Variants in ATG4A observed in about 807,000 individuals in gnomAD.
The protein encoded by ATG4A is autophagy related 4A cysteine peptidase, also known as cysteine protease ATG4A.
Under a neutral mutation model 38.4 loss-of-function variants are expected in ATG4A, and 22 were observed. The ratio of observed to expected loss-of-function variants is 0.57; its 90% CI spans 0.41 to 0.82. ATG4A has a LOEUF of 0.82. Ranked by LOEUF, ATG4A falls within the 40% of genes least tolerant of loss-of-function variation. The probability of loss-of-function intolerance (pLI) is 0.00; values close to 1 mark genes in which losing one functional copy is unlikely to be tolerated. For missense variants in ATG4A, 220 were observed against 290.0 expected (o/e 0.76, Z 1.75); for synonymous variants, 86 against 100.7 (o/e 0.85, Z 0.88).
chrX:108,150,392 A>G (rs1165756222), intron 10 of ATG4A, 95 bp downstream of exon 10: 1 of 1,081,828 alleles, frequency 9.2e-7, no homozygotes, highest in Non-Finnish European at 1.3e-6. Flanking sequence ...AGGCAAGAGT[A>G]TGTTTGCTCA....
At chrX:108,134,263 A>T in intron 5 of ATG4A, 76 bp from the exon 6 acceptor site, 1 of 1,149,884 alleles carries the variant, frequency 8.7e-7, no homozygotes, top group Non-Finnish European at 1.2e-6. Context: ...TTAATTATTT[A>T]TGCAAAAAAT....
rs1192099164 is a variant in ATG4A, at chrX:108,147,667, A to C, written c.815-2485A>C. On this transcript the variant is annotated intron_variant, in intron 9 of 12. Coordinates refer to ENST00000372232, the MANE Select transcript of ATG4A (RefSeq NM_052936.5). ...TTTCTTTCATGACTTTGTCCACTGA[A>C]CTTAGGAGCAACCAACTAGCTTCAT... 2.7e-5 allele frequency among the ~76,000 whole-genome samples: 3 copies of C among 111,218 alleles called. No individual in the cohort carries two copies. The Admixed American group carries it at 2.9e-4, about 11-fold the overall frequency.
intron 6 of ATG4A, among the ~76,000 whole-genome samples, chrX:108,135,976 G>A (rs1168580311): frequency 9.1e-6 from 1 of 109,740 alleles, no homozygotes; most frequent in Non-Finnish European, 1.9e-5. Context: ...TAGAGATGGA[G>A]TTTCACCATG....
chrX:108,128,748 G>A, intron 2 of ATG4A, 33 bp from the exon 3 acceptor site: 1 of 1,020,518 alleles, frequency 9.8e-7, no homozygotes, highest in Non-Finnish European at 1.3e-6. Flanking sequence ...TTTAGATATG[G>A]TGATTTAATT....
chrX:108,122,215 C>T (rs1011444945), intron 1 of ATG4A, among the ~76,000 whole-genome samples: 10 of 112,166 alleles, frequency 8.9e-5, no homozygotes, highest in African/African-American at 3.2e-4. Context: ...AAGTGATTTT[C>T]TCATTTACTT....
chrX:108,119,597 G>T (rs1202714729), intron 1 of ATG4A, among the ~76,000 whole-genome samples: 1 of 111,741 alleles, frequency 8.9e-6, no homozygotes, highest in African/African-American at 3.3e-5. Flanking sequence ...AGGATGTGCT[G>T]TTTGAAAACA....
chrX:108,121,893 C>T (rs928291387), intron 1 of ATG4A, among the ~76,000 whole-genome samples: 1 of 111,685 alleles, frequency 9.0e-6, no homozygotes, highest in Non-Finnish European at 1.9e-5. Flanking sequence ...CAGCTGTTAC[C>T]CTACCTATCC....
intron 6 of ATG4A, among the ~76,000 whole-genome samples, chrX:108,135,786 A>ATT (rs11346129): frequency 2.0e-5 from 2 of 98,345 alleles, no homozygotes; most frequent in South Asian, 4.7e-4. Context: ...GGAAACCTAG[A>ATT]TTTTTTTTTT....
chrX:108,146,021 G>A (rs1358677031), intron 9 of ATG4A, among the ~76,000 whole-genome samples: 2 of 112,072 alleles, frequency 1.8e-5, no homozygotes, highest in East Asian at 2.8e-4. Flanking sequence ...GCCCTGAAAT[G>A]TCTGATCATT....
At chrX:108,139,242 T>C (rs896543471) in intron 9 of ATG4A, among the ~76,000 whole-genome samples, 5 of 111,745 alleles carry the variant, frequency 4.5e-5, no homozygotes, top group African/African-American at 1.6e-4. Flanking sequence ...TGCATGCCAA[T>C]CCCCCACTTG....
At chrX:108,103,201 G>A (rs1166720491) in intron 1 of ATG4A, among the ~76,000 whole-genome samples, 1 of 112,081 alleles carries the variant, frequency 8.9e-6, no homozygotes, top group East Asian at 2.8e-4. Context: ...ATTGCATGGT[G>A]CAGATGTACC....
At chrX:108,108,517 C>G (rs1347381677) in intron 1 of ATG4A, among the ~76,000 whole-genome samples, 1 of 110,740 alleles carries the variant, frequency 9.0e-6, no homozygotes, top group African/African-American at 3.3e-5. Context: ...AGCCTTTCTC[C>G]CAGTAAAAAT....
chrX:108,136,786 A>G (rs1361849430), intron 6 of ATG4A, among the ~76,000 whole-genome samples: 4 of 112,518 alleles, frequency 3.6e-5, no homozygotes, highest in African/African-American at 9.7e-5. Flanking sequence ...CTTTGAGAGC[A>G]GATGCATGGG....
chrX:108,124,246 G>C (rs2032737182), intron 1 of ATG4A, among the ~76,000 whole-genome samples: 1 of 111,742 alleles, frequency 8.9e-6, no homozygotes, highest in Admixed American at 9.5e-5. Flanking sequence ...CAGGCTCCCT[G>C]TCAGATTTGG....
intron 6 of ATG4A, among the ~76,000 whole-genome samples, chrX:108,135,057 G>A (rs1241045866): frequency 8.9e-6 from 1 of 111,916 alleles, no homozygotes; most frequent in Non-Finnish European, 1.9e-5. Flanking sequence ...GAGGCAAGGT[G>A]GAGAGGTCAG....
chrX:108,138,259 G>T, intron 9 of ATG4A, 68 bp downstream of exon 9: 3 of 983,152 alleles, frequency 3.1e-6, no homozygotes, highest in East Asian at 6.1e-5. Flanking sequence ...AGGTTTGCAT[G>T]GGAGACCAGG....
intron 9 of ATG4A, among the ~76,000 whole-genome samples, chrX:108,148,517 TACACACAC>T (rs368317060): frequency 8.4e-5 from 8 of 94,948 alleles, no homozygotes; most frequent in African/African-American, 1.6e-4. Context: ...TCCATGCACA[TACACACAC>T]ACACACACAC....
chrX:108,103,725 T>C (rs1222737342), intron 1 of ATG4A, among the ~76,000 whole-genome samples: 1 of 112,617 alleles, frequency 8.9e-6, no homozygotes, highest in Non-Finnish European at 1.9e-5. Context: ...GAAACAAACT[T>C]AAACTTCAAT....
intron 1 of ATG4A, among the ~76,000 whole-genome samples, chrX:108,115,525 A>G (rs761504307): frequency 8.9e-6 from 1 of 111,997 alleles, no homozygotes; most frequent in Non-Finnish European, 1.9e-5. Context: ...TACTGTATCT[A>G]CTATTTTGCA....
Sources: gnomAD v4.1 joint callset for allele counts (sites outside exome capture counted in the v4.1 genomes callset) on GRCh38, gnomAD v4.1.1 for gene constraint, MANE v1.5 for transcripts, NCBI Gene and HGNC (gene_info 2026-07-23, HGNC 2026-07-21) for gene names.